Variants in CLCN3 observed in about 807,000 individuals in gnomAD.
The protein encoded by CLCN3 is Cl-/H+ antiporter 3.
Under a neutral mutation model 83.4 loss-of-function variants are expected in CLCN3, and 16 were observed. The ratio of observed to expected loss-of-function variants is 0.19; its 90% CI spans 0.13 to 0.29. The LOEUF (loss-of-function observed/expected upper bound fraction) is 0.29. CLCN3 is among the 10% of genes least tolerant of loss of function. The pLI is 1.00. For synonymous variants in CLCN3, 322 were observed against 346.2 expected (o/e 0.93, Z 0.78); for missense variants, 544 against 1,006.0 (o/e 0.54, Z 6.21).
At chr4:169,675,557 A>G (rs1731643208) in intron 2 of CLCN3, among the ~76,000 whole-genome samples, 1 of 152,200 alleles carries the variant, frequency 6.6e-6, no homozygotes. Flanking sequence ...TTCTATATCA[A>G]ATAATGAGCT....
At chr4:169,691,491 T>G (rs1732370733) in intron 6 of CLCN3, among the ~76,000 whole-genome samples, 1 of 152,188 alleles carries the variant, frequency 6.6e-6, no homozygotes, top group Admixed American at 6.5e-5. Context: ...TACATAGGAT[T>G]GATTGAACTT....
intron 1 of CLCN3, among the ~76,000 whole-genome samples, chr4:169,631,964 A>G (rs1773383104): frequency 1.3e-5 from 2 of 151,760 alleles, no homozygotes; most frequent in African/African-American, 4.8e-5. Flanking sequence ...GACCAGATGT[A>G]TTCATAGCTG....
chr4:169,658,157 C>T (rs1189960871), intron 2 of CLCN3, among the ~76,000 whole-genome samples: 1 of 151,912 alleles, frequency 6.6e-6, no homozygotes, highest in Non-Finnish European at 1.5e-5. Flanking sequence ...ACCTCTCTAC[C>T]TTATGTCTCA....
intron 7 of CLCN3, among the ~76,000 whole-genome samples, chr4:169,692,633 C>A (rs1178009817): frequency 6.6e-6 from 1 of 152,106 alleles, no homozygotes; most frequent in Non-Finnish European, 1.5e-5. Context: ...GTTTTCTAAG[C>A]TTAGCTTTGT....
At chr4:169,682,459 C>T (rs1208864775) in intron 3 of CLCN3, among the ~76,000 whole-genome samples, 1 of 152,174 alleles carries the variant, frequency 6.6e-6, no homozygotes, top group Admixed American at 6.5e-5. Flanking sequence ...ATTCCCAAGT[C>T]TGGAAAACCA....
At chr4:169,652,002 AATT>A (rs1179422455) in intron 2 of CLCN3, among the ~76,000 whole-genome samples, 2 of 152,152 alleles carry the variant, frequency 1.3e-5, no homozygotes, top group Non-Finnish European at 2.9e-5. Flanking sequence ...ATATTAATAG[AATT>A]AGAGATACTT....
At chr4:169,667,853 C>G (rs2651394) in intron 2 of CLCN3, among the ~76,000 whole-genome samples, 1 of 151,048 alleles carries the variant, frequency 6.6e-6, no homozygotes, top group South Asian at 2.1e-4. Context: ...TCAAGTGATT[C>G]TGCTGCCTCA....
At chr4:169,646,574 G>A (rs943670348) in intron 2 of CLCN3, among the ~76,000 whole-genome samples, 27 of 152,154 alleles carry the variant, frequency 1.8e-4, no homozygotes, top group Non-Finnish European at 2.1e-4. Flanking sequence ...GGGATTACAG[G>A]CGTGAGCCAC....
intron 2 of CLCN3, among the ~76,000 whole-genome samples, chr4:169,667,753 CT>C (rs894303595): frequency 4.1e-4 from 54 of 131,698 alleles, no homozygotes; most frequent in Middle Eastern, 4.0e-3. Context: ...ACTTTTTTTT[CT>C]TTTTTTTTTT....
At chr4:169,646,656 G>C (rs951027098) in intron 2 of CLCN3, among the ~76,000 whole-genome samples, 24 of 152,120 alleles carry the variant, frequency 1.6e-4, no homozygotes, top group Non-Finnish European at 3.4e-4. Flanking sequence ...ACACTAAACT[G>C]GTGGGTTATT....
chr4:169,671,667 A>T (rs1301055702), intron 2 of CLCN3, among the ~76,000 whole-genome samples: 1 of 152,138 alleles, frequency 6.6e-6, no homozygotes, highest in Non-Finnish European at 1.5e-5. Flanking sequence ...TGAAACTGGG[A>T]TACTGTAATA....
chr4:169,677,184 G>GT (rs1042571291), intron 2 of CLCN3, among the ~76,000 whole-genome samples: 15 of 151,774 alleles, frequency 9.9e-5, no homozygotes, highest in South Asian at 4.2e-4. Flanking sequence ...GTTAGGGGCA[G>GT]TTTTTTTTAA....
intron 2 of CLCN3, among the ~76,000 whole-genome samples, chr4:169,660,630 G>A (rs1435331717): frequency 6.6e-6 from 1 of 152,162 alleles, no homozygotes; most frequent in Non-Finnish European, 1.5e-5. Context: ...ATCCCTGATT[G>A]TTTTCTCTGT....
intron 12 of CLCN3, among the ~76,000 whole-genome samples, chr4:169,713,766 T>C (rs1733315216): frequency 6.6e-6 from 1 of 152,274 alleles, no homozygotes; most frequent in African/African-American, 2.4e-5. Flanking sequence ...GGAAAGAATA[T>C]ATACTTAAAT....
chr4:169,717,758 C>G (rs373036569), intron 12 of CLCN3: 121 of 1,359,994 alleles, frequency 8.9e-5, no homozygotes, highest in Non-Finnish European at 1.2e-4. Flanking sequence ...AATTTAATTT[C>G]TCACACAGTT....
chr4:169,679,563 G>A (rs1252415532), intron 2 of CLCN3, among the ~76,000 whole-genome samples: 1 of 152,116 alleles, frequency 6.6e-6, no homozygotes, highest in African/African-American at 2.4e-5. Context: ...AGGTTGTAGC[G>A]AGCCGAGATC....
At chr4:169,693,526 G>A (rs940005225) in intron 7 of CLCN3, among the ~76,000 whole-genome samples, 1 of 152,122 alleles carries the variant, frequency 6.6e-6, no homozygotes, top group Admixed American at 6.5e-5. Context: ...GTGGTGGAAC[G>A]TAGGTTAAAA....
At chr4:169,637,705 G>T (rs1319382142) in intron 2 of CLCN3, among the ~76,000 whole-genome samples, 1 of 151,708 alleles carries the variant, frequency 6.6e-6, no homozygotes, top group Non-Finnish European at 1.5e-5. Context: ...CTCCTGTTTT[G>T]TTCTAGAAGT....
intron 2 of CLCN3, among the ~76,000 whole-genome samples, chr4:169,637,534 G>A (rs909537391): frequency 6.6e-6 from 1 of 151,890 alleles, no homozygotes; most frequent in Non-Finnish European, 1.5e-5. Flanking sequence ...TTGCACCACT[G>A]CACTCCTGCT....
Sources: gnomAD v4.1 joint callset for allele counts (sites outside exome capture counted in the v4.1 genomes callset) on GRCh38, gnomAD v4.1.1 for gene constraint, MANE v1.5 for transcripts, NCBI Gene and HGNC (gene_info 2026-07-23, HGNC 2026-07-21) for gene names.